The following TTLL1 variants were observed in gnomAD, a reference collection of about 807,000 sequenced individuals.
TTLL1 encodes the protein polyglutamylase complex subunit TTLL1.
A neutral mutation model predicts 47.8 loss-of-function variants in TTLL1; 33 were observed. The ratio of observed to expected loss-of-function variants is 0.69; its 90% CI spans 0.52 to 0.92. TTLL1 has a LOEUF of 0.92. TTLL1 is among the 40% of genes least tolerant of loss of function. The pLI is 0.00. For synonymous variants in TTLL1, 225 were observed against 214.1 expected, an observed-to-expected ratio of 1.05 and a Z score of -0.45; for missense variants, 488 against 547.5, an observed-to-expected ratio of 0.89 and a Z score of 1.08.
rs547161887 is a variant in TTLL1, at chr22:43,064,073, C to T, written c.638+117G>A. ...CTGCTCTTACTTCCCTCAATCCCTG[C>T]CCCGTGCCAGGCACCGCACATGCAC... On this transcript the variant is annotated intron_variant, in intron 6 of 10. Coordinates refer to ENST00000266254, the MANE Select transcript of TTLL1 (RefSeq NM_012263.5). The T allele has an allele frequency of 1.1e-5, 16 of 1,516,286 alleles. No individual in the cohort carries two copies. In the African/African-American group the frequency reaches 1.5e-4, roughly 14 times the overall value. The allele number at this position is 1,516,286 out of a possible 1,614,324, so 93.9% of individuals were successfully genotyped here. A position where few individuals can be genotyped will look rare whatever the true frequency, so the allele number is the denominator to read the frequency against.
chr22:43,048,133 T>A (rs145799184), intron 9 of TTLL1, among the ~76,000 whole-genome samples: 1 of 151,948 alleles, frequency 6.6e-6, no homozygotes, highest in Non-Finnish European at 1.5e-5. Flanking sequence ...TTGGCCAACA[T>A]GGTGAAACCC....
intron 3 of TTLL1, among the ~76,000 whole-genome samples, chr22:43,074,902 C>T (rs957466471): frequency 2.6e-5 from 4 of 151,018 alleles, no homozygotes; most frequent in Non-Finnish European, 4.4e-5. Flanking sequence ...TGTGGCCAGG[C>T]GCTTGGCTTA....
At chr22:43,075,012 C>CA (rs1023967074) in intron 3 of TTLL1, among the ~76,000 whole-genome samples, 1 of 152,006 alleles carries the variant, frequency 6.6e-6, no homozygotes, top group African/African-American at 2.4e-5. Context: ...ACTAAAAACA[C>CA]AAAAAAATTA....
intron 4 of TTLL1, 158 bp downstream of exon 4, chr22:43,069,478 C>T: frequency 1.5e-6 from 2 of 1,342,256 alleles, no homozygotes; most frequent in Non-Finnish European, 2.0e-6. Context: ...CCTCCTTCTC[C>T]CTCATTCTGG....
Position 43,064,745 on chromosome 22 carries a change from T to A in TTLL1, c.504-421A>T, listed in dbSNP as rs568379035. Among the ~76,000 whole-genome samples, 9 of 149,186 alleles carry A rather than the reference T, an allele frequency of 6.0e-5. No homozygotes were observed. In the South Asian group the frequency reaches 1.9e-3, roughly 32 times the overall value. On this transcript the variant is annotated intron_variant, in intron 5 of 10. Transcript: ENST00000266254. ...CATCTCAAATAAATAAATAAGTAAA[T>A]AAATAAATAAAGACAGTAAAAAGAT...
chr22:43,046,773 G>A (rs1926174198), intron 9 of TTLL1, among the ~76,000 whole-genome samples, 200 bp from the exon 10 acceptor site: 2 of 152,094 alleles, frequency 1.3e-5, no homozygotes, highest in Non-Finnish European at 1.5e-5. Flanking sequence ...GGGCTCAAGC[G>A]ATTCTCCTGC....
intron 3 of TTLL1, among the ~76,000 whole-genome samples, chr22:43,074,427 C>CAAAAAAAAAAAAA (rs61701643): frequency 3.5e-5 from 3 of 85,728 alleles, no homozygotes; most frequent in Non-Finnish European, 5.3e-5. Flanking sequence ...AATTTCGTCT[C>CAAAAAAAAAAAAA]AAAAAAAAAA....
chr22:43,044,062 C>T (rs960482696), intron 10 of TTLL1, among the ~76,000 whole-genome samples: 2 of 152,084 alleles, frequency 1.3e-5, no homozygotes, highest in African/African-American at 4.8e-5. Flanking sequence ...TCCTCCCAGC[C>T]CACTTCCCTA....
intron 2 of TTLL1, among the ~76,000 whole-genome samples, chr22:43,076,840 G>A (rs1472856972): frequency 2.6e-5 from 4 of 152,004 alleles, no homozygotes; most frequent in East Asian, 3.9e-4. Flanking sequence ...GGTGGCTCAC[G>A]CCTGTAATCC....
chr22:43,046,617 C>T, intron 9 of TTLL1, 44 bp from the exon 10 acceptor site: 2 of 1,599,812 alleles, frequency 1.3e-6, no homozygotes, highest in Non-Finnish European at 1.7e-6. Flanking sequence ...GTCTCTCGCT[C>T]TTTTGGAATG....
chr22:43,080,799 G>A (rs552796611), intron 1 of TTLL1, among the ~76,000 whole-genome samples: 41 of 150,612 alleles, frequency 2.7e-4, no homozygotes, highest in African/African-American at 1.0e-3. Flanking sequence ...CATCCTTGCT[G>A]GCACTCAGAA....
chr22:43,057,838 G>C (rs1927121292), intron 8 of TTLL1, among the ~76,000 whole-genome samples: 1 of 151,960 alleles, frequency 6.6e-6, no homozygotes, highest in African/African-American at 2.4e-5. Context: ...CCAGAAACCT[G>C]TTCTACTTCC....
chr22:43,084,755 C>A (rs1245567616), intron 1 of TTLL1, among the ~76,000 whole-genome samples: 1 of 151,992 alleles, frequency 6.6e-6, no homozygotes, highest in Non-Finnish European at 1.5e-5. Context: ...CCCGCCTCAG[C>A]CTCCCAAAGT....
chr22:43,043,648 C>T (rs915287739), intron 10 of TTLL1, among the ~76,000 whole-genome samples: 2 of 152,074 alleles, frequency 1.3e-5, no homozygotes, highest in Admixed American at 1.3e-4. Context: ...CCTTTAATCT[C>T]CACTTCCCCT....
At chr22:43,070,903 G>A (rs1928076522) in intron 3 of TTLL1, among the ~76,000 whole-genome samples, 1 of 152,030 alleles carries the variant, frequency 6.6e-6, no homozygotes, top group African/African-American at 2.4e-5. Context: ...AAAGCAATAT[G>A]TATGTATGTA....
intron 10 of TTLL1, among the ~76,000 whole-genome samples, chr22:43,041,024 C>T (rs1169069391): frequency 6.6e-6 from 1 of 152,148 alleles, no homozygotes; most frequent in Admixed American, 6.6e-5. Flanking sequence ...AATGGGGCCG[C>T]CCCCCTCCAC....
intron 5 of TTLL1, among the ~76,000 whole-genome samples, chr22:43,067,907 G>A (rs891189976): frequency 2.0e-5 from 3 of 150,656 alleles, no homozygotes; most frequent in African/African-American, 7.3e-5. Context: ...GGGTTCAAGC[G>A]ATTCTCCTGC....
chr22:43,063,361 C>T (rs1323857887), intron 7 of TTLL1, among the ~76,000 whole-genome samples: 1 of 152,158 alleles, frequency 6.6e-6, no homozygotes, highest in Non-Finnish European at 1.5e-5. Flanking sequence ...GCCTCCCAGT[C>T]CCATCAGTGC....
intron 3 of TTLL1, among the ~76,000 whole-genome samples, chr22:43,072,260 TCTC>T (rs1427958171): frequency 1.3e-5 from 2 of 151,342 alleles, no homozygotes; most frequent in Admixed American, 6.6e-5. Flanking sequence ...TTCACGCCAT[TCTC>T]CTGTCTCAGC....
Sources: allele counts gnomAD v4.1 joint callset (sites outside exome capture counted in the v4.1 genomes callset), GRCh38; gene constraint gnomAD v4.1.1; transcripts MANE v1.5; gene names NCBI Gene and HGNC (gene_info 2026-07-23, HGNC 2026-07-21).